NUSAP1: variants seen among roughly 807,000 people sequenced by gnomAD.
NUSAP1 encodes the protein nucleolar and spindle associated protein 1.
In NUSAP1, 32 loss-of-function variants were observed where a neutral mutation model predicts 52.8. That is an observed-to-expected ratio of 0.61 (90% CI 0.46 to 0.81). The LOEUF is 0.81. Ranked by LOEUF, NUSAP1 falls within the 40% of genes least tolerant of loss-of-function variation. NUSAP1 has a pLI of 0.00. For synonymous variants in NUSAP1, 195 were observed against 183.1 expected, an observed-to-expected ratio of 1.06 and a Z score of -0.52; for missense variants, 499 against 522.3, an observed-to-expected ratio of 0.96 and a Z score of 0.43.
intron 4 of NUSAP1, among the ~76,000 whole-genome samples, chr15:41,354,995 G>C (rs1266060175): frequency 6.6e-6 from 1 of 150,722 alleles, no homozygotes; most frequent in African/African-American, 2.4e-5. Flanking sequence ...ACTCCAGCCT[G>C]GGCGAAAGAG....
intron 7 of NUSAP1, among the ~76,000 whole-genome samples, chr15:41,368,168 A>G (rs73405000): frequency 0.087 from 13,266 of 152,100 alleles, 729 homozygotes; most frequent in African/African-American, 0.16. Flanking sequence ...GCACTCTGAA[A>G]TATGTGTTCT....
intron 2 of NUSAP1, among the ~76,000 whole-genome samples, chr15:41,344,770 G>A (rs758696832): frequency 5.9e-5 from 9 of 151,968 alleles, no homozygotes; most frequent in Admixed American, 1.3e-4. Flanking sequence ...GCAAAACACC[G>A]TCTCTACTAA....
At chr15:41,361,327 A>G (rs1389123379) in intron 6 of NUSAP1, among the ~76,000 whole-genome samples, 1 of 151,836 alleles carries the variant, frequency 6.6e-6, no homozygotes, top group East Asian at 1.9e-4. Flanking sequence ...CGGGAGGCAG[A>G]GGTTGCGGTG....
intron 2 of NUSAP1, among the ~76,000 whole-genome samples, chr15:41,343,606 G>A (rs1456701554): frequency 2.0e-5 from 3 of 151,806 alleles, no homozygotes; most frequent in African/African-American, 4.8e-5. Context: ...CCACCACCTC[G>A]GCCTCCCAAA....
At chr15:41,377,152 A>G in intron 9 of NUSAP1, 44 bp from the exon 10 acceptor site, 1 of 1,031,754 alleles carries the variant, frequency 9.7e-7, no homozygotes, top group South Asian at 1.5e-5. Flanking sequence ...GGGAATATAA[A>G]TCAAACAATC....
In NUSAP1 at chr15:41,375,821, A is replaced by G. The variant is rs1177408799; in HGVS notation, c.1116A>G (p.Pro372=). Reference sequence around the variant, plus strand: ...TGTCTCGTCCCCTCAACTATGAACCACACAAAGGTATGTGGGAGTGTTTTG... The same window carrying G: ...TGTCTCGTCCCCTCAACTATGAACCGCACAAAGGTATGTGGGAGTGTTTTG... ...ASLSRPLNYE[P]HKGKLKPWGQ... Residue 372 remains proline, a synonymous_variant, in exon 9 of 11, where the codon CCA becomes CCG. Coordinates refer to ENST00000559596, the MANE Select transcript of NUSAP1 (RefSeq NM_016359.5). The G allele has an allele frequency of 6.2e-7, 1 of 1,604,208 alleles. No individual in the cohort carries two copies. The highest frequency in any genetic ancestry group is 8.5e-7 in the Non-Finnish European group (1 of 1,171,140).
chr15:41,340,019 T>C (rs1206420101), intron 1 of NUSAP1, among the ~76,000 whole-genome samples: 1 of 150,918 alleles, frequency 6.6e-6, no homozygotes, highest in Non-Finnish European at 1.5e-5. Context: ...GTGATCTTCC[T>C]GCCTCGGCCT....
intron 7 of NUSAP1, among the ~76,000 whole-genome samples, chr15:41,371,005 A>C (rs2049661058): frequency 2.0e-5 from 3 of 152,230 alleles, no homozygotes; most frequent in African/African-American, 7.2e-5. Context: ...AAATGTAGAA[A>C]AAATACTATC....
intron 7 of NUSAP1, among the ~76,000 whole-genome samples, chr15:41,370,749 CAAAAAAAAAA>C (rs60034914): frequency 0.023 from 1,604 of 70,764 alleles, 40 homozygotes; most frequent in African/African-American, 0.071. Flanking sequence ...AACTCCATCT[CAAAAAAAAAA>C]AAAAAAAAAA....
At position 41,375,718 on chromosome 15, in the gene NUSAP1, C is replaced by A; in HGVS notation, c.1013C>A (p.Thr338Asn). Residue 338 changes from threonine to asparagine, a missense_variant, in exon 9 of 11, where the codon ACC becomes AAC. By Grantham distance (65) the Thr-to-Asn change is moderately conservative. Transcript: ENST00000559596. ...TITGNSAAVI[T>N]PFKLTTEATQ... ...TTTTTCGGTGTGTTTTTAGTTATTACCCCATTCAAGTTGACAACTGAGGCA... is the reference window on the plus strand; with the variant it reads ...TTTTTCGGTGTGTTTTTAGTTATTAACCCATTCAAGTTGACAACTGAGGCA... 2 of 1,605,528 alleles carry A rather than the reference C, an allele frequency of 1.2e-6. No individual in the cohort carries two copies. The highest frequency in any genetic ancestry group is 1.7e-6 in the Non-Finnish European group (2 of 1,172,408).
chr15:41,336,980 C>CT (rs1262054733), intron 1 of NUSAP1, among the ~76,000 whole-genome samples: 1 of 149,236 alleles, frequency 6.7e-6, no homozygotes, highest in South Asian at 2.1e-4. Context: ...AAATCCCCCC[C>CT]TTTTTTTCCT....
At chr15:41,336,026 A>G (rs1020227772) in intron 1 of NUSAP1, among the ~76,000 whole-genome samples, 9 of 150,980 alleles carry the variant, frequency 6.0e-5, no homozygotes, top group Non-Finnish European at 1.3e-4. Context: ...TTGGGAGGCC[A>G]AGGCAGGTGT....
At chr15:41,333,525 A>G (rs1347045319) in intron 1 of NUSAP1, among the ~76,000 whole-genome samples, 1 of 151,932 alleles carries the variant, frequency 6.6e-6, no homozygotes, top group Non-Finnish European at 1.5e-5. Flanking sequence ...AAAAAAATCG[A>G]CTTTTAGGGG....
At chr15:41,370,697 C>A in intron 7 of NUSAP1, among the ~76,000 whole-genome samples, 1 of 150,072 alleles carries the variant, frequency 6.7e-6, no homozygotes, top group East Asian at 2.0e-4. Flanking sequence ...TTGCAGTGAC[C>A]CAACATCGCA....
intron 1 of NUSAP1, among the ~76,000 whole-genome samples, chr15:41,336,202 G>A (rs1342367170): frequency 6.6e-6 from 1 of 151,334 alleles, no homozygotes; most frequent in Admixed American, 6.6e-5. Context: ...GGAGGCAGAC[G>A]CTGCAGTGAG....
At chr15:41,362,986 C>T (rs1382325014) in intron 6 of NUSAP1, among the ~76,000 whole-genome samples, 1 of 151,742 alleles carries the variant, frequency 6.6e-6, no homozygotes, top group Non-Finnish European at 1.5e-5. Context: ...AATGTATAGA[C>T]ATATATACTT....
intron 6 of NUSAP1, among the ~76,000 whole-genome samples, chr15:41,363,101 A>G (rs2140748169): frequency 1.3e-5 from 2 of 152,152 alleles, no homozygotes; most frequent in Middle Eastern, 6.8e-3. Context: ...AGCCTGCCCA[A>G]CATGGCGAAA....
chr15:41,351,020 C>T lies in NUSAP1; in HGVS notation c.339C>T (p.Pro113=), dbSNP rs1404092341. 2 of 1,612,260 alleles carry T rather than the reference C, an allele frequency of 1.2e-6. No homozygotes were observed. The highest frequency in any genetic ancestry group is 8.5e-7 in the Non-Finnish European group (1 of 1,179,114). The change falls in exon 4 of 11, where the codon CCC becomes CCT. Residue 113 remains proline (P), a synonymous_variant. Transcript: ENST00000559596. ...ATTCAGAGATAAAAATAAGTAATCCCACTGAATTCCAGAATCATGAAAAGC... is the reference window on the plus strand; with the variant it reads ...ATTCAGAGATAAAAATAAGTAATCCTACTGAATTCCAGAATCATGAAAAGC... The part of the protein sequence containing the change: ...QNHSEIKISN[P]TEFQNHEKQE...
chr15:41,358,711 G>GT (rs1336520376), intron 6 of NUSAP1, among the ~76,000 whole-genome samples: 2 of 152,150 alleles, frequency 1.3e-5, no homozygotes, highest in African/African-American at 4.8e-5. Context: ...TCCAGCCTGG[G>GT]TGACAGAGTG....
Sources: allele counts gnomAD v4.1 joint callset (sites outside exome capture counted in the v4.1 genomes callset), GRCh38; gene constraint gnomAD v4.1.1; transcripts MANE v1.5; gene names NCBI Gene and HGNC (gene_info 2026-07-23, HGNC 2026-07-21).